Variants in SYNE2 observed in about 807,000 individuals in gnomAD.
The protein encoded by SYNE2 is nesprin-2.
A neutral mutation model predicts 856.3 loss-of-function variants in SYNE2; 431 were observed. That is an observed-to-expected ratio of 0.50 (90% CI 0.47 to 0.55). SYNE2 has a LOEUF of 0.55. Ranked by LOEUF, SYNE2 falls within the 20% of genes least tolerant of loss-of-function variation. SYNE2 has a pLI of 0.00. For missense variants in SYNE2, 8,129 were observed against 8,023.2 expected, an observed-to-expected ratio of 1.01 and a Z score of -0.50; for synonymous variants, 2,923 against 2,872.3, an observed-to-expected ratio of 1.02 and a Z score of -0.56.
At position 64,107,558 on chromosome 14, in the gene SYNE2, A is replaced by T. The variant is rs34480732; in HGVS notation, c.12560A>T (p.Asn4187Ile). ...CAAATCCTCACACCAGACTCACTAA[A>T]CACTGAGCAAGGCCCAGAATGTTCC... Reference protein sequence around the residue: ...MAQILTPDSLNTEQGPECSLR... With the variant: ...MAQILTPDSLITEQGPECSLR... The change falls in exon 65 of 116, where the codon AAC (asparagine) becomes ATC (isoleucine). Residue 4187 changes from asparagine to isoleucine, a missense_variant. Around this residue, in one of 3 missense-constraint regions of SYNE2, gnomAD observed 5,410 missense variants for 5,284.8 expected, o/e 1.02. Coordinates refer to ENST00000555002, the MANE Select transcript of SYNE2 (RefSeq NM_182914.3). 4.6e-4 allele frequency: 744 copies of T among 1,614,168 alleles called. 2 individuals are homozygous for T. In the African/African-American group the frequency reaches 8.7e-3, roughly 19 times the overall value.
chr14:63,774,861 C>G (rs1289406388), intron 1 of SYNE2, among the ~76,000 whole-genome samples: 1 of 152,142 alleles, frequency 6.6e-6, no homozygotes, highest in Non-Finnish European at 1.5e-5. Context: ...ATGTTAGGCA[C>G]TGACAGAATT....
At chr14:63,895,118 T>C (rs1482363481) in intron 1 of SYNE2, among the ~76,000 whole-genome samples, 14 of 151,960 alleles carry the variant, frequency 9.2e-5, no homozygotes, top group African/African-American at 2.9e-4. Flanking sequence ...TCTTTTTTTT[T>C]TTTTTGAGAT....
In SYNE2 at chr14:63,997,323, A is replaced by T. The variant is rs759983958; in HGVS notation, c.3175A>T (p.Asn1059Tyr). 10 of 1,613,620 alleles carry T rather than the reference A, an allele frequency of 6.2e-6. No homozygotes were observed. Among genetic ancestry groups the T allele is most frequent in the Admixed American group, 1.7e-5 (1 of 59,906 alleles). The change falls in exon 25 of 116, where the codon AAT becomes TAT. Residue 1059 changes from asparagine to tyrosine, a missense_variant. Physicochemically the swap from Asn to Tyr is moderately radical, Grantham distance 143 (BLOSUM62 -2). Around this residue, in one of 3 missense-constraint regions of SYNE2, gnomAD observed 2,422 missense variants for 2,357.4 expected, o/e 1.03. Transcript: ENST00000555002. Reference protein sequence around the residue: ...KNEGTITTSENRGGDPHSEAP... With the variant: ...KNEGTITTSEYRGGDPHSEAP... ...TAGGGGGACCATCACCACATCTGAG[A>T]ATAGAGGAGGGGATCCCCACAGTGA...
rs2098638106 is a variant in SYNE2 at position 64,211,011 on chromosome 14, T to C, written c.18723+887T>C. Among the ~76,000 whole-genome samples the C allele has an allele frequency of 2.0e-5, 3 of 152,180 alleles. No individual in the cohort carries two copies. In the South Asian group the frequency reaches 6.2e-4, roughly 32 times the overall value. On this transcript the variant is annotated intron_variant, in intron 103 of 115. Coordinates refer to ENST00000555002, the MANE Select transcript of SYNE2 (RefSeq NM_182914.3). Reference sequence around the variant, plus strand: ...CTCTTTCTTCTTTCTTGACAGGGTCTCACTCTGTTGCCCAGGCTGGAGTGC... The same window carrying C: ...CTCTTTCTTCTTTCTTGACAGGGTCCCACTCTGTTGCCCAGGCTGGAGTGC...
chr14:64,053,149 G>T lies in SYNE2; in HGVS notation c.9236G>T (p.Ser3079Ile), dbSNP rs2097240360. ...VLKAPDSSPE[S>I]RRLNAQILSQ... ...AAAGCTCCTGATAGCTCTCCGGAAA[G>T]CAGACGGCTCAATGCCCAAATTTTA... The change falls in exon 48 of 116, where the codon AGC becomes ATC. Residue 3079 changes from serine (S) to isoleucine (I), a missense_variant. Ser to Ile is a moderately radical substitution (Grantham distance 142, BLOSUM62 -2). This residue lies in a region of SYNE2 where 5,410 missense variants were observed against 5,284.8 expected (regional missense o/e 1.02). Transcript: ENST00000555002. 6.2e-7 allele frequency: 1 copy of T among 1,614,034 alleles called. No homozygotes were observed. Among genetic ancestry groups the T allele is most frequent in the African/African-American group, 1.3e-5 (1 of 74,940 alleles).
At position 63,947,310 on chromosome 14, in the gene SYNE2, A is replaced by G. The variant is rs1296406097; in HGVS notation, c.409-2515A>G. ...AGCCACTTGTGCTATTGAACACTTG[A>G]GATGTGGCTAGTATGGCAGAGGAAA... On this transcript the variant is annotated intron_variant, in intron 6 of 115. Coordinates refer to ENST00000555002, the MANE Select transcript of SYNE2 (RefSeq NM_182914.3). Among the ~76,000 whole-genome samples, 4 of 152,196 alleles carry G rather than the reference A, an allele frequency of 2.6e-5. No individual in the cohort carries two copies. In the East Asian group the frequency reaches 7.7e-4, roughly 29 times the overall value.
At chr14:64,083,119 G>T (rs992985649) in intron 57 of SYNE2, among the ~76,000 whole-genome samples, 10 of 152,154 alleles carry the variant, frequency 6.6e-5, no homozygotes, top group Admixed American at 5.9e-4. Context: ...GTTCCTAAGT[G>T]AGCTGCTGAC....
At chr14:64,030,230 A>C (rs1432129910) in intron 44 of SYNE2, among the ~76,000 whole-genome samples, 171 bp downstream of exon 44, 1 of 152,258 alleles carries the variant, frequency 6.6e-6, no homozygotes, top group African/African-American at 2.4e-5. Flanking sequence ...TTTAGTGGAC[A>C]AATCCATTTA....
intron 1 of SYNE2, among the ~76,000 whole-genome samples, chr14:63,844,512 T>C (rs1403452743): frequency 6.6e-6 from 1 of 152,226 alleles, no homozygotes; most frequent in African/African-American, 2.4e-5. Context: ...AATGTAAGTA[T>C]TTAACTCATT....
chr14:63,991,023 G>C lies in SYNE2; in HGVS notation c.2554G>C (p.Glu852Gln). 5.0e-6 allele frequency: 8 copies of C among 1,614,170 alleles called. No individual in the cohort carries two copies. Among genetic ancestry groups the C allele is most frequent in the Non-Finnish European group, 5.9e-6 (7 of 1,180,008 alleles). Reference protein sequence around the residue: ...PDLDIRLKMEESQKELESYMM... With the variant: ...PDLDIRLKMEQSQKELESYMM... ...TTTGGACATCAGGCTGAAGATGGAA[G>C]AATCCCAGAAGGAACTTGAATCATA... The change falls in exon 21 of 116, where the codon GAA becomes CAA. Residue 852 changes from glutamate to glutamine, a missense_variant. By Grantham distance (29) the Glu-to-Gln change is conservative. Around this residue, in one of 3 missense-constraint regions of SYNE2, gnomAD observed 2,422 missense variants for 2,357.4 expected, o/e 1.03. Coordinates refer to ENST00000555002, the MANE Select transcript of SYNE2 (RefSeq NM_182914.3).
intron 1 of SYNE2, among the ~76,000 whole-genome samples, chr14:63,810,906 C>CTG (rs1888590887): frequency 6.6e-6 from 1 of 152,154 alleles, no homozygotes. Flanking sequence ...ACAATGTCAG[C>CTG]TCACTGCAAC....
chr14:63,888,325 G>C (rs929872040), intron 1 of SYNE2, among the ~76,000 whole-genome samples: 20 of 152,100 alleles, frequency 1.3e-4, no homozygotes, highest in Admixed American at 1.2e-3. Flanking sequence ...AGGCCTGGGT[G>C]GGGGGCACCG....
chr14:63,994,191 G>T (rs909153067), intron 22 of SYNE2, among the ~76,000 whole-genome samples: 25 of 152,116 alleles, frequency 1.6e-4, no homozygotes, highest in Non-Finnish European at 2.9e-5. Context: ...CCTGGGCAAG[G>T]TACTTAACTT....
intron 1 of SYNE2, among the ~76,000 whole-genome samples, chr14:63,782,339 G>A (rs1178336744): frequency 6.6e-6 from 1 of 151,504 alleles, no homozygotes; most frequent in Non-Finnish European, 1.5e-5. Flanking sequence ...CTGTTTGCAT[G>A]TGCCTGTAAT....
intron 2 of SYNE2, among the ~76,000 whole-genome samples, chr14:63,913,936 C>A (rs528143670): frequency 6.6e-6 from 1 of 151,696 alleles, no homozygotes; most frequent in East Asian, 1.9e-4. Flanking sequence ...CTCCTGGCCT[C>A]GAGCTATCCT....
chr14:64,185,391 C>T (rs1596071922), intron 96 of SYNE2, among the ~76,000 whole-genome samples: 1 of 151,758 alleles, frequency 6.6e-6, no homozygotes, highest in Non-Finnish European at 1.5e-5. Context: ...CTGGTAGACT[C>T]TTGAGTGTTC....
chr14:63,982,519 C>CAAAAA (rs71444636), intron 16 of SYNE2, 111 bp from the exon 17 acceptor site: 80 of 715,926 alleles, frequency 1.1e-4, no homozygotes, highest in South Asian at 3.0e-4. Context: ...GACTCCATCT[C>CAAAAA]AAAAAAAAAA....
Position 63,840,962 on chromosome 14 carries a change from C to T in SYNE2, c.-304-11539C>T, listed in dbSNP as rs1037784300. On this transcript the variant is annotated intron_variant, in intron 1 of 23. Transcript: ENST00000674003. ...CCGGGAGGCAGAGGTTTCAGTGAAC[C>T]GAGATTGCGCCATTGCACTCCAGCC... Among the ~76,000 whole-genome samples, 6 of 152,036 alleles carry T rather than the reference C, an allele frequency of 3.9e-5. No homozygotes were observed. In the South Asian group the frequency reaches 6.2e-4, roughly 16 times the overall value.
At chr14:64,012,570 G>T (rs1346028553) in intron 32 of SYNE2, among the ~76,000 whole-genome samples, 1 of 152,084 alleles carries the variant, frequency 6.6e-6, no homozygotes, top group Admixed American at 6.5e-5. Flanking sequence ...TTACTCAACT[G>T]CAAAAGGTAT....
Sources: allele counts gnomAD v4.1 joint callset (sites outside exome capture counted in the v4.1 genomes callset), GRCh38; gene constraint gnomAD v4.1.1; regional missense constraint gnomAD v4.1.1; transcripts MANE v1.5; gene names NCBI Gene and HGNC (gene_info 2026-07-23, HGNC 2026-07-21).